Variants in MINDY4 observed in about 807,000 individuals in gnomAD.
MINDY4 encodes MINDY lysine 48 deubiquitinase 4, also known as probable ubiquitin carboxyl-terminal hydrolase MINDY-4.
MINDY4 carries 68 observed loss-of-function variants against 87.0 expected under a neutral mutation model. The ratio of observed to expected loss-of-function variants is 0.78; its 90% confidence interval spans 0.64 to 0.96. The LOEUF is 0.96. MINDY4 is among the 40% of genes least tolerant of loss of function. The probability of loss-of-function intolerance (pLI) is 0.00; values close to 1 mark genes in which losing one functional copy is unlikely to be tolerated. For synonymous variants in MINDY4, 379 were observed against 363.2 expected (o/e 1.04, Z -0.50); for missense variants, 919 against 928.2 (o/e 0.99, Z 0.13).
At chr7:30,852,616 G>A (rs1360000513) in intron 11 of MINDY4, among the ~76,000 whole-genome samples, 1 of 152,024 alleles carries the variant, frequency 6.6e-6, no homozygotes. Flanking sequence ...GATTGTTGTG[G>A]GAGGGGGTGG....
intron 5 of MINDY4, among the ~76,000 whole-genome samples, chr7:30,810,039 G>T (rs1385797991): frequency 6.6e-6 from 1 of 151,918 alleles, no homozygotes; most frequent in Non-Finnish European, 1.5e-5. Flanking sequence ...AGCCAGTCAT[G>T]GTGGTGCCTG....
chr7:30,860,509 G>A (rs1199983391), intron 13 of MINDY4, among the ~76,000 whole-genome samples: 1 of 152,188 alleles, frequency 6.6e-6, no homozygotes, highest in Non-Finnish European at 1.5e-5. Flanking sequence ...GTTTGCTCCT[G>A]GTTTGGCTCA....
chr7:30,791,799 C>T (rs6947469), intron 5 of MINDY4, among the ~76,000 whole-genome samples: 6,241 of 152,236 alleles, frequency 0.041, 224 homozygotes, highest in East Asian at 0.21. Context: ...ACAGGGGTGT[C>T]CAACCTTTTG....
rs1463203265 is a variant in MINDY4 at position 30,791,227 on chromosome 7, A to G, written c.726A>G (p.Gln242=). ...CGTCAAGCAGCTCCACCCAACCCCA[A>G]GAAGAGAGCCGGAAGGTCCCTGAGC... ...SSPSSSSTQP[Q]EESRKVPELF... The change falls in exon 5 of 18, where the codon CAA becomes CAG. Residue 242 remains glutamine (Q), a synonymous_variant. Transcript: ENST00000265299. The G allele has an allele frequency of 3.7e-6, 6 of 1,613,954 alleles. No individual in the cohort carries two copies. The highest frequency in any genetic ancestry group is 2.7e-5 in the African/African-American group (2 of 74,884).
At chr7:30,854,052 A>G (rs193168003) in intron 12 of MINDY4, among the ~76,000 whole-genome samples, 9 of 152,330 alleles carry the variant, frequency 5.9e-5, no homozygotes, top group Non-Finnish European at 8.8e-5. Context: ...AGGGCCAGAC[A>G]GCAGCAGATC....
intron 7 of MINDY4, among the ~76,000 whole-genome samples, chr7:30,838,021 G>A (rs1167031498): frequency 6.6e-6 from 1 of 152,210 alleles, no homozygotes; most frequent in Non-Finnish European, 1.5e-5. Context: ...TGTAGGAAAG[G>A]TCTGACCCAG....
At chr7:30,834,875 G>A (rs535810693) in intron 6 of MINDY4, among the ~76,000 whole-genome samples, 8 of 152,282 alleles carry the variant, frequency 5.3e-5, no homozygotes, top group Non-Finnish European at 8.8e-5. Context: ...AGTCACCTTT[G>A]CTCCAATTCC....
chr7:30,864,366 G>A (rs1789863915), intron 13 of MINDY4, among the ~76,000 whole-genome samples: 1 of 152,244 alleles, frequency 6.6e-6, no homozygotes. Flanking sequence ...AGTGTTGGTT[G>A]GAAAGACAGT....
At chr7:30,876,306 C>T (rs1402864373) in intron 15 of MINDY4, among the ~76,000 whole-genome samples, 1 of 152,144 alleles carries the variant, frequency 6.6e-6, no homozygotes, top group Non-Finnish European at 1.5e-5. Context: ...AGACCTCAGT[C>T]ATATTGGATT....
chr7:30,802,902 A>G (rs1344569911), intron 5 of MINDY4, among the ~76,000 whole-genome samples: 1 of 151,498 alleles, frequency 6.6e-6, no homozygotes, highest in African/African-American at 2.4e-5. Context: ...CATCCAACAA[A>G]CCATTCCACC....
At chr7:30,785,592 G>C (rs1787139519) in intron 3 of MINDY4, among the ~76,000 whole-genome samples, 157 bp from the exon 4 acceptor site, 2 of 152,116 alleles carry the variant, frequency 1.3e-5, no homozygotes, top group Admixed American at 1.3e-4. Context: ...AGTATTTTCT[G>C]TTCCTTGTCT....
chr7:30,790,643 C>G (rs1445748382), intron 4 of MINDY4, among the ~76,000 whole-genome samples: 1 of 152,104 alleles, frequency 6.6e-6, no homozygotes, highest in Admixed American at 6.6e-5. Flanking sequence ...TGGGGTTTCA[C>G]CACATTGGCA....
intron 16 of MINDY4, among the ~76,000 whole-genome samples, 187 bp downstream of exon 16, chr7:30,882,548 G>C (rs1217003673): frequency 2.0e-5 from 3 of 152,224 alleles, no homozygotes; most frequent in African/African-American, 4.8e-5. Context: ...GGCCAGAGCT[G>C]GGCCTTGAGC....
chr7:30,862,569 A>C (rs1486950994), intron 13 of MINDY4, among the ~76,000 whole-genome samples: 1 of 152,204 alleles, frequency 6.6e-6, no homozygotes, highest in Admixed American at 6.5e-5. Context: ...CTGGGGCTGG[A>C]ATCCCACCTC....
At chr7:30,854,575 C>T (rs1789516030) in intron 12 of MINDY4, among the ~76,000 whole-genome samples, 1 of 152,130 alleles carries the variant, frequency 6.6e-6, no homozygotes, top group African/African-American at 2.4e-5. Flanking sequence ...CTCACCTTGC[C>T]TTCCCTTTGA....
At chr7:30,804,456 A>G (rs1267623415) in intron 5 of MINDY4, among the ~76,000 whole-genome samples, 2 of 152,110 alleles carry the variant, frequency 1.3e-5, no homozygotes, top group Non-Finnish European at 2.9e-5. Flanking sequence ...GCTTGTTCGA[A>G]TGGTGTTGGG....
chr7:30,807,119 C>T (rs983485183), intron 5 of MINDY4, among the ~76,000 whole-genome samples: 3 of 152,168 alleles, frequency 2.0e-5, no homozygotes, highest in South Asian at 2.1e-4. Context: ...AGATGGAAAC[C>T]GAGACCAAGT....
At chr7:30,840,709 ACT>A in intron 8 of MINDY4, 49 bp from the exon 9 acceptor site, 1 of 1,578,612 alleles carries the variant, frequency 6.3e-7, no homozygotes, top group Admixed American at 1.7e-5. Flanking sequence ...GAAACCAAAA[ACT>A]CTGCCCCAGG....
intron 5 of MINDY4, among the ~76,000 whole-genome samples, chr7:30,794,717 G>A (rs981320948): frequency 2.0e-5 from 3 of 152,152 alleles, no homozygotes; most frequent in African/African-American, 7.2e-5. Flanking sequence ...CCCATTGTGG[G>A]GGTTGTGGCT....
Sources: allele counts gnomAD v4.1 joint callset (sites outside exome capture counted in the v4.1 genomes callset), GRCh38; gene constraint gnomAD v4.1.1; transcripts MANE v1.5; gene names NCBI Gene and HGNC (gene_info 2026-07-23, HGNC 2026-07-21).